CTIF: variants seen among roughly 807,000 people sequenced by gnomAD.
CTIF encodes cap binding complex dependent translation initiation factor.
Under a neutral mutation model 66.0 loss-of-function variants are expected in CTIF, and 21 were observed. The observed-to-expected ratio is 0.32, with a 90% CI of 0.23 to 0.46. The LOEUF (loss-of-function observed/expected upper bound fraction) is 0.46. Ranked by LOEUF, CTIF falls within the 20% of genes least tolerant of loss-of-function variation. CTIF has a pLI of 1.00. For synonymous variants in CTIF, 345 were observed against 326.4 expected (o/e 1.06, Z -0.62); for missense variants, 739 against 812.7 (o/e 0.91, Z 1.10).
At chr18:48,647,045 T>C (rs2091052017) in intron 3 of CTIF, among the ~76,000 whole-genome samples, 1 of 152,200 alleles carries the variant, frequency 6.6e-6, no homozygotes, top group Non-Finnish European at 1.5e-5. Context: ...AGCAGCTTTG[T>C]TCACAATACA....
At chr18:48,766,931 T>TTCTCTCCCGCTGCCTCCATTTCTCTC (rs1294275367) in intron 9 of CTIF, among the ~76,000 whole-genome samples, 1 of 152,214 alleles carries the variant, frequency 6.6e-6, no homozygotes. Flanking sequence ...CCCATTTTCC[T>TTCTCTCCCGCTGCCTCCATTTCTCTC]TTTCCTTGGC....
chr18:48,830,195 C>T (rs1434564196), intron 10 of CTIF, among the ~76,000 whole-genome samples: 4 of 152,210 alleles, frequency 2.6e-5, no homozygotes, highest in African/African-American at 9.7e-5. Context: ...GACAGTGTCT[C>T]GCTCTGTCAC....
rs751601028 is a variant in CTIF, at chr18:48,670,615, C to T, written c.432-54C>T. 12 of 1,501,996 alleles carry T rather than the reference C, an allele frequency of 8.0e-6. No homozygotes were observed. The African/African-American group carries it at 1.7e-4, about 21-fold the overall frequency. 93.0% of individuals were successfully genotyped at this position (1,501,996 alleles called of 1,614,324 possible). Reference sequence around the variant, plus strand: ...CTCCTCTCCTGCTGGCCGGATGGGACAGGAGGCATGAATGAGCCATCTTTC... The same window carrying T: ...CTCCTCTCCTGCTGGCCGGATGGGATAGGAGGCATGAATGAGCCATCTTTC... On this transcript the variant is annotated intron_variant, in intron 5 of 11. Transcript: ENST00000256413.
chr18:48,591,011 A>T (rs1194154034), intron 1 of CTIF, among the ~76,000 whole-genome samples: 2 of 152,166 alleles, frequency 1.3e-5, no homozygotes, highest in African/African-American at 4.8e-5. Context: ...TCAGAAATGG[A>T]GGAAGCCCCT....
chr18:48,771,654 A>G (rs1910129892), intron 9 of CTIF, among the ~76,000 whole-genome samples: 1 of 152,280 alleles, frequency 6.6e-6, no homozygotes, highest in East Asian at 1.9e-4. Context: ...CCCTGCAGAT[A>G]AGTGGGTTAC....
chr18:48,551,137 G>A (rs2088871375), intron 1 of CTIF, among the ~76,000 whole-genome samples: 1 of 149,408 alleles, frequency 6.7e-6, no homozygotes, highest in Non-Finnish European at 1.5e-5. Flanking sequence ...AGTATGACTG[G>A]TGTCCTTAAA....
intron 1 of CTIF, among the ~76,000 whole-genome samples, chr18:48,612,688 C>T (rs1366765590): frequency 3.3e-5 from 5 of 152,312 alleles, no homozygotes; most frequent in African/African-American, 7.2e-5. Context: ...ACCACAGCTC[C>T]GATGCCACCT....
At chr18:48,597,027 T>A (rs1203885315) in intron 1 of CTIF, among the ~76,000 whole-genome samples, 3 of 152,214 alleles carry the variant, frequency 2.0e-5, no homozygotes, top group Non-Finnish European at 4.4e-5. Flanking sequence ...ATGTGGGCCC[T>A]GCCCCAAATT....
chr18:48,812,087 C>T (rs752075717), intron 9 of CTIF, among the ~76,000 whole-genome samples: 8 of 152,096 alleles, frequency 5.3e-5, no homozygotes, highest in Admixed American at 6.5e-5. Context: ...CTCAGCCTCC[C>T]GAGTAGCTTG....
At chr18:48,784,885 A>T (rs1310121849) in intron 9 of CTIF, among the ~76,000 whole-genome samples, 1 of 152,220 alleles carries the variant, frequency 6.6e-6, no homozygotes, top group East Asian at 1.9e-4. Context: ...CTCCTCTCAC[A>T]CATGCTGGAG....
intron 1 of CTIF, among the ~76,000 whole-genome samples, chr18:48,603,763 T>A (rs2090151063): frequency 6.6e-6 from 1 of 151,986 alleles, no homozygotes; most frequent in Admixed American, 6.6e-5. Flanking sequence ...ATGAGATGCA[T>A]CCTCATCTTT....
At chr18:48,711,212 A>G (rs906793866) in intron 6 of CTIF, among the ~76,000 whole-genome samples, 1 of 152,168 alleles carries the variant, frequency 6.6e-6, no homozygotes, top group Admixed American at 6.5e-5. Flanking sequence ...TGTGTTATGG[A>G]ACTTGTGCTT....
chr18:48,763,354 G>A (rs772551717), intron 9 of CTIF, among the ~76,000 whole-genome samples: 12 of 152,226 alleles, frequency 7.9e-5, no homozygotes, highest in Middle Eastern at 3.2e-3. Context: ...CCAACCTGCC[G>A]TGGTAAGGGT....
At chr18:48,850,039 C>T (rs2069166876) in intron 10 of CTIF, among the ~76,000 whole-genome samples, 1 of 152,226 alleles carries the variant, frequency 6.6e-6, no homozygotes, top group Non-Finnish European at 1.5e-5. Flanking sequence ...TTCCCAGTTC[C>T]TGGCACCCAC....
intron 7 of CTIF, among the ~76,000 whole-genome samples, chr18:48,716,023 G>C (rs967464871): frequency 2.6e-5 from 4 of 152,204 alleles, no homozygotes; most frequent in Admixed American, 6.5e-5. Flanking sequence ...TCTTTGCCCA[G>C]AGCAGTTGTC....
At chr18:48,680,544 ACG>A (rs1327095616) in intron 6 of CTIF, among the ~76,000 whole-genome samples, 2 of 152,218 alleles carry the variant, frequency 1.3e-5, no homozygotes, top group Non-Finnish European at 2.9e-5. Context: ...GGCCCTGTCG[ACG>A]GATGCCCAGA....
chr18:48,628,258 G>A (rs936667208), intron 2 of CTIF, among the ~76,000 whole-genome samples: 1 of 152,162 alleles, frequency 6.6e-6, no homozygotes, highest in African/African-American at 2.4e-5. Flanking sequence ...GGAGATGTTG[G>A]TCCACCAGTT....
chr18:48,815,165 A>G (rs1676963348), intron 9 of CTIF, among the ~76,000 whole-genome samples: 2 of 152,360 alleles, frequency 1.3e-5, no homozygotes, highest in East Asian at 1.9e-4. Flanking sequence ...TTGCTTCACT[A>G]TAGTAACCTT....
At chr18:48,552,251 A>G (rs1287656658) in intron 1 of CTIF, among the ~76,000 whole-genome samples, 1 of 152,320 alleles carries the variant, frequency 6.6e-6, no homozygotes, top group Admixed American at 6.5e-5. Context: ...TTAAGCAAGA[A>G]AAGCCAGTGA....
Sources: allele counts gnomAD v4.1 joint callset (sites outside exome capture counted in the v4.1 genomes callset), GRCh38; gene constraint gnomAD v4.1.1; transcripts MANE v1.5; gene names NCBI Gene and HGNC (gene_info 2026-07-23, HGNC 2026-07-21).